The following FSTL4 variants were observed in gnomAD, a reference collection of about 807,000 sequenced individuals.
FSTL4 encodes the protein follistatin-related protein 4.
FSTL4 carries 28 observed loss-of-function variants against 78.2 expected under a neutral mutation model. The observed-to-expected ratio is 0.36, with a 90% confidence interval of 0.27 to 0.49. The LOEUF (loss-of-function observed/expected upper bound fraction) is 0.49, where lower values mean the gene tolerates loss of function less well. Ranked by LOEUF, FSTL4 falls within the 20% of genes least tolerant of loss-of-function variation. The pLI is 0.98. For synonymous variants in FSTL4, 422 were observed against 440.5 expected (o/e 0.96, Z 0.53); for missense variants, 922 against 1,084.9 (o/e 0.85, Z 2.11).
intron 4 of FSTL4, among the ~76,000 whole-genome samples, chr5:133,373,955 C>G (rs1468295014): frequency 6.6e-6 from 1 of 152,228 alleles, no homozygotes; most frequent in East Asian, 1.9e-4. Flanking sequence ...GACTCCAGCT[C>G]TCTCCTGCAG....
chr5:133,523,115 A>G (rs1447436924), intron 3 of FSTL4, among the ~76,000 whole-genome samples: 2 of 151,990 alleles, frequency 1.3e-5, no homozygotes, highest in Non-Finnish European at 2.9e-5. Flanking sequence ...ATCTGATAGG[A>G]CTGGTGTCCT....
At chr5:133,794,588 A>G in the FSTL4 span, among the ~76,000 whole-genome samples, 1 of 152,224 alleles carries the variant, frequency 6.6e-6, no homozygotes, top group Non-Finnish European at 1.5e-5. Flanking sequence ...TTGGTAGGTA[A>G]CAAATGTGTG....
chr5:133,389,067 C>T (rs1755776329), intron 4 of FSTL4, among the ~76,000 whole-genome samples: 1 of 152,150 alleles, frequency 6.6e-6, no homozygotes, highest in African/African-American at 2.4e-5. Context: ...TTTACAATCC[C>T]ATTTTTTATC....
At chr5:133,214,195 A>C (rs1223686032) in intron 13 of FSTL4, among the ~76,000 whole-genome samples, 1 of 152,258 alleles carries the variant, frequency 6.6e-6, no homozygotes, top group Non-Finnish European at 1.5e-5. Flanking sequence ...ACACATATAT[A>C]GAATACAGTA....
chr5:133,362,547 T>C (rs1755094471), intron 4 of FSTL4, among the ~76,000 whole-genome samples: 1 of 152,234 alleles, frequency 6.6e-6, no homozygotes, highest in African/African-American at 2.4e-5. Context: ...GCCTGAGCGC[T>C]TTCTCAGTGC....
At chr5:133,370,616 G>T (rs1440783478) in intron 4 of FSTL4, among the ~76,000 whole-genome samples, 1 of 151,986 alleles carries the variant, frequency 6.6e-6, no homozygotes, top group Non-Finnish European at 1.5e-5. Context: ...GGGCAGCATG[G>T]GTCCTGAAGC....
At position 133,235,076 on chromosome 5, in the gene FSTL4, T is replaced by C. The variant is rs537043064; in HGVS notation, c.895-1539A>G. Among the ~76,000 whole-genome samples, 8 of 152,172 alleles carry C rather than the reference T, an allele frequency of 5.3e-5. No homozygotes were observed. In the East Asian group the frequency reaches 1.5e-3, roughly 29 times the overall value. On this transcript the variant is annotated intron_variant, in intron 7 of 15. Coordinates refer to ENST00000265342, the MANE Select transcript of FSTL4 (RefSeq NM_015082.2). ...AGGGCTAAAAGCAGCTGAGGGCAGCTCCCTGGGTCCTCCGCTGATACTCAT... is the reference window on the plus strand; with the variant it reads ...AGGGCTAAAAGCAGCTGAGGGCAGCCCCCTGGGTCCTCCGCTGATACTCAT...
chr5:133,717,439 T>C, the FSTL4 span, among the ~76,000 whole-genome samples: 1 of 152,222 alleles, frequency 6.6e-6, no homozygotes, highest in Non-Finnish European at 1.5e-5. Flanking sequence ...GGGTGTAATT[T>C]ACATGGAGTA....
intron 4 of FSTL4, among the ~76,000 whole-genome samples, chr5:133,320,250 G>A (rs758487439): frequency 6.6e-6 from 1 of 152,168 alleles, no homozygotes; most frequent in Non-Finnish European, 1.5e-5. Flanking sequence ...TTGGCTTCCA[G>A]GATAGATATT....
In FSTL4 at chr5:133,228,274, ATTGAG is replaced by A. The variant is rs1335231595; in HGVS notation, c.1016-2460_1016-2456del. 5.3e-5 allele frequency among the ~76,000 whole-genome samples: 8 copies of A among 152,334 alleles called. No homozygotes were observed. In the East Asian group the frequency reaches 1.5e-3, roughly 29 times the overall value. On this transcript the variant is annotated intron_variant, in intron 8 of 15. Coordinates refer to ENST00000265342, the MANE Select transcript of FSTL4 (RefSeq NM_015082.2). ...AAAAAGGAAACTTGGAAGTACCAGC[ATTGAG>A]TTAAGGAGAGAATATTTAAAACAAC...
chr5:133,269,353 C>T (rs935884555), intron 6 of FSTL4, among the ~76,000 whole-genome samples: 4 of 152,080 alleles, frequency 2.6e-5, no homozygotes, highest in Non-Finnish European at 5.9e-5. Flanking sequence ...CTGTGTGGGT[C>T]CAAGCAAATT....
At chr5:133,372,261 G>GTATCTATC (rs1482819821) in intron 4 of FSTL4, among the ~76,000 whole-genome samples, 2 of 145,636 alleles carry the variant, frequency 1.4e-5, no homozygotes, top group African/African-American at 5.2e-5. Flanking sequence ...ATGTATGTAT[G>GTATCTATC]TATGTATGTA....
the FSTL4 span, among the ~76,000 whole-genome samples, chr5:133,800,683 T>C: frequency 7.4e-6 from 1 of 135,926 alleles, no homozygotes; most frequent in African/African-American, 2.7e-5. Context: ...TTAATGGCTT[T>C]TGAAATATAA....
chr5:133,725,742 G>A, the FSTL4 span, among the ~76,000 whole-genome samples: 2 of 152,174 alleles, frequency 1.3e-5, no homozygotes, highest in East Asian at 3.9e-4. Flanking sequence ...GAAAGAGGGT[G>A]GGGTGTGTGT....
rs187795879 is a variant in FSTL4 at position 133,220,466 on chromosome 5, T to G, written c.1458+282A>C. ...TTTGGCAGCTGTCTGTTCACATTGC[T>G]GTCTCCATCGTTTGACTGTGAATTT... On this transcript the variant is annotated intron_variant, in intron 12 of 15. Transcript: ENST00000265342. 1.7e-4 allele frequency among the ~76,000 whole-genome samples: 26 copies of G among 152,366 alleles called. No homozygotes were observed. The East Asian group carries it at 5.0e-3, about 29-fold the overall frequency.
At chr5:133,289,476 C>A (rs1458995594) in intron 6 of FSTL4, among the ~76,000 whole-genome samples, 1 of 152,216 alleles carries the variant, frequency 6.6e-6, no homozygotes, top group Non-Finnish European at 1.5e-5. Context: ...TGCCTGGGAG[C>A]CCCACTTCCC....
the FSTL4 span, among the ~76,000 whole-genome samples, chr5:133,832,653 CA>C: frequency 6.6e-6 from 1 of 152,238 alleles, no homozygotes; most frequent in Admixed American, 6.5e-5. Flanking sequence ...TACATTTCTC[CA>C]TCTCTTTTGC....
chr5:133,797,649 T>C, the FSTL4 span, among the ~76,000 whole-genome samples: 1 of 152,128 alleles, frequency 6.6e-6, no homozygotes, highest in Non-Finnish European at 1.5e-5. Context: ...AGGGGGTCCG[T>C]TTAGTCCTTT....
chr5:133,622,722 G>C, the FSTL4 span, among the ~76,000 whole-genome samples: 37 of 152,116 alleles, frequency 2.4e-4, no homozygotes, highest in African/African-American at 8.9e-4. Flanking sequence ...TATCCCCTTT[G>C]GTGAAATATC....
Sources: gnomAD v4.1 joint callset for allele counts (sites outside exome capture counted in the v4.1 genomes callset) on GRCh38, gnomAD v4.1.1 for gene constraint, MANE v1.5 for transcripts, NCBI Gene and HGNC (gene_info 2026-07-23, HGNC 2026-07-21) for gene names.